Variants in CNIH4 observed in about 807,000 individuals in gnomAD.
The protein encoded by CNIH4 is cornichon family member 4.
In CNIH4, 9 loss-of-function variants were observed where a neutral mutation model predicts 21.5. The observed-to-expected ratio is 0.42, with a 90% confidence interval of 0.25 to 0.73. The LOEUF is 0.73. Among genes scored for constraint, CNIH4 ranks in the 30% least tolerant of loss-of-function variants. CNIH4 has a pLI of 0.27. For synonymous variants in CNIH4, 67 were observed against 59.1 expected (o/e 1.13, Z -0.61); for missense variants, 159 against 170.0 (o/e 0.94, Z 0.36).
rs548002244 is a variant in CNIH4, at chr1:224,364,954, A to G, written c.139-925A>G. 8.4e-4 allele frequency among the ~76,000 whole-genome samples: 128 copies of G among 152,218 alleles called. 1 individual carries two copies. Among genetic ancestry groups the G allele is most frequent in the African/African-American group, 2.8e-3 (115 of 41,532 alleles). On this transcript the variant is annotated intron_variant, in intron 2 of 4. Transcript: ENST00000465271. ...AAAAAGTATAACCAAGTTGATTGCA[A>G]ATTAGGTTTATGGCCCAGAAAAATC...
At chr1:224,366,191 A>T (rs2102858126) in intron 3 of CNIH4, among the ~76,000 whole-genome samples, 200 bp downstream of exon 3, 1 of 151,650 alleles carries the variant, frequency 6.6e-6, no homozygotes. Context: ...ACAGGCGTGC[A>T]CCACCACACC....
chr1:224,357,877 A>G (rs150300194), intron 1 of CNIH4, among the ~76,000 whole-genome samples: 2 of 152,330 alleles, frequency 1.3e-5, no homozygotes, highest in East Asian at 3.9e-4. Context: ...CAAAGCATCT[A>G]GGCTTAGTTG....
In CNIH4 at chr1:224,379,026, G is replaced by A. The variant is rs1219232235; in HGVS notation, c.*3204G>A. The A allele has an allele frequency of 2.7e-5, 42 of 1,547,586 alleles. 1 individual carries two copies. Among genetic ancestry groups the A allele is most frequent in the Middle Eastern group, 1.7e-4 (1 of 6,004 alleles). On this transcript the variant is annotated 3_prime_UTR_variant, in exon 5 of 5. Transcript: ENST00000465271. ...ATCGAGTGCTCCTATGTGCATCTTA[G>A]TACGTATCATTTTCCCTTGCCTTTT...
chr1:224,360,616 A>G (rs372123512), intron 2 of CNIH4, 53 bp downstream of exon 2: 21 of 908,154 alleles, frequency 2.3e-5, no homozygotes, highest in Non-Finnish European at 2.6e-5. Context: ...CATTTTCCAT[A>G]CTTAAGATTA....
rs1197705465 is a variant in CNIH4 at position 224,378,516 on chromosome 1, A to ATG, written c.*2694_*2695insTG. The ATG allele has an allele frequency of 2.0e-5, 3 of 153,468 alleles. No homozygotes were observed. The East Asian group carries it at 5.8e-4, about 30-fold the overall frequency. The allele number at this position is 153,468 out of a possible 1,614,324, so 9.5% of individuals were successfully genotyped here. A position where few individuals can be genotyped will look rare whatever the true frequency, so the allele number is the denominator to read the frequency against. On this transcript the variant is annotated 3_prime_UTR_variant, in exon 5 of 5. Coordinates refer to ENST00000465271, the MANE Select transcript of CNIH4 (RefSeq NM_014184.4). ...TCTAACTCCCTCATCCCAAAGATAA[A>ATG]CTGAGGCCTAGAGATCGTTCAGGGT...
chr1:224,364,638 T>C (rs975202033), intron 2 of CNIH4, among the ~76,000 whole-genome samples: 36 of 152,252 alleles, frequency 2.4e-4, no homozygotes, highest in Middle Eastern at 6.8e-3. Flanking sequence ...TAATAGCATT[T>C]TAAAAAGTAT....
Position 224,375,181 on chromosome 1 carries a change from T to C in CNIH4, c.393-614T>C, listed in dbSNP as rs572901178. Among the ~76,000 whole-genome samples, 4 of 152,280 alleles carry C rather than the reference T, an allele frequency of 2.6e-5. No individual in the cohort carries two copies. In the East Asian group the frequency reaches 5.8e-4, roughly 22 times the overall value. On this transcript the variant is annotated intron_variant, in intron 4 of 4. Coordinates refer to ENST00000465271, the MANE Select transcript of CNIH4 (RefSeq NM_014184.4). ...TGGTAATTGCAGGCCCGGTTGCTAG[T>C]AGAACATGAAAGTGGTAATGCTTGG...
At position 224,372,823 on chromosome 1, in the gene CNIH4, G is replaced by A. The variant is rs748055885; in HGVS notation, c.392+1400G>A. ...TCTCAATCTCCTGACCTCATGATCC[G>A]CCCACCTCGGCCTCCCAAAGTGCTG... is the stretch of plus-strand genomic sequence containing the variant. On this transcript the variant is annotated intron_variant, in intron 4 of 4. Transcript: ENST00000465271. Among the ~76,000 whole-genome samples the A allele has an allele frequency of 2.7e-5, 4 of 149,460 alleles. No individual in the cohort carries two copies. In the South Asian group the frequency reaches 6.4e-4, roughly 24 times the overall value.
At chr1:224,364,843 G>T (rs1461292327) in intron 2 of CNIH4, among the ~76,000 whole-genome samples, 1 of 151,562 alleles carries the variant, frequency 6.6e-6, no homozygotes, top group Admixed American at 6.6e-5. Flanking sequence ...TGAGGCAAGA[G>T]AATTGGTTGA....
chr1:224,379,301 A>G lies in CNIH4; in HGVS notation c.*3479A>G. The G allele has an allele frequency of 1.7e-6, 1 of 596,512 alleles. No homozygotes were observed. Among genetic ancestry groups the G allele is most frequent in the Admixed American group, 2.9e-5 (1 of 34,364 alleles). 37.0% of individuals were successfully genotyped at this position (596,512 alleles called of 1,614,324 possible). A position where few individuals can be genotyped will look rare whatever the true frequency, so the allele number is the denominator to read the frequency against. ...CTTACCACATTCTATCTGGTATTAC[A>G]GTTATTTGTATGCAATTAATCACTC... On this transcript the variant is annotated 3_prime_UTR_variant, in exon 5 of 5. Coordinates refer to ENST00000465271, the MANE Select transcript of CNIH4 (RefSeq NM_014184.4).
chr1:224,365,005 T>A (rs908732461), intron 2 of CNIH4, among the ~76,000 whole-genome samples: 26 of 152,152 alleles, frequency 1.7e-4, no homozygotes, highest in African/African-American at 5.6e-4. Flanking sequence ...ACCAAAAAAT[T>A]ATCCAAAATC....
intron 4 of CNIH4, 94 bp from the exon 5 acceptor site, chr1:224,375,700 CT>C (rs1197237935): frequency 1.4e-5 from 19 of 1,333,842 alleles, no homozygotes; most frequent in Non-Finnish European, 2.0e-5. Context: ...ATGATTGTTC[CT>C]TTGTGAACCT....
At chr1:224,374,519 A>G (rs1018112721) in intron 4 of CNIH4, among the ~76,000 whole-genome samples, 1 of 151,326 alleles carries the variant, frequency 6.6e-6, no homozygotes, top group African/African-American at 2.4e-5. Flanking sequence ...GGTTCCAGGG[A>G]TTCTCTTGCT....
intron 4 of CNIH4, among the ~76,000 whole-genome samples, chr1:224,372,364 C>T (rs368515692): frequency 8.1e-4 from 123 of 152,232 alleles, no homozygotes; most frequent in Middle Eastern, 3.4e-3. Context: ...CCTGTGTATA[C>T]GATTTGATTA....
chr1:224,372,153 G>A (rs575043346), intron 4 of CNIH4, among the ~76,000 whole-genome samples: 2 of 152,136 alleles, frequency 1.3e-5, no homozygotes, highest in Non-Finnish European at 2.9e-5. Context: ...CATGCTAAAT[G>A]TCTATTATGG....
chr1:224,375,066 T>C (rs1199202579), intron 4 of CNIH4, among the ~76,000 whole-genome samples: 1 of 152,228 alleles, frequency 6.6e-6, no homozygotes, highest in African/African-American at 2.4e-5. Flanking sequence ...TAGCATTTAT[T>C]GGGTGACTGC....
intron 2 of CNIH4, among the ~76,000 whole-genome samples, chr1:224,362,645 A>G (rs1038887942): frequency 4.6e-5 from 7 of 151,472 alleles, no homozygotes; most frequent in East Asian, 2.0e-4. Flanking sequence ...GCCTGCCACC[A>G]TGCCTGGCTA....
upstream of CNIH4, chr1:224,356,867 G>A (rs1672125144): frequency 6.9e-7 from 1 of 1,453,174 alleles, no homozygotes; most frequent in Middle Eastern, 1.7e-4. Flanking sequence ...CCTATCAGGG[G>A]TGGGTCGGGG....
At chr1:224,363,892 C>T (rs749101052) in intron 2 of CNIH4, among the ~76,000 whole-genome samples, 35 of 152,074 alleles carry the variant, frequency 2.3e-4, no homozygotes, top group Non-Finnish European at 4.0e-4. Context: ...CCTGAAATGG[C>T]GGTGTTTTGG....
Sources: gnomAD v4.1 joint callset for allele counts (sites outside exome capture counted in the v4.1 genomes callset) on GRCh38, gnomAD v4.1.1 for gene constraint, MANE v1.5 for transcripts, NCBI Gene and HGNC (gene_info 2026-07-23, HGNC 2026-07-21) for gene names.